FSTL5: variants seen among roughly 807,000 people sequenced by gnomAD.
The protein encoded by FSTL5 is follistatin-related protein 5.
Under a neutral mutation model 89.1 loss-of-function variants are expected in FSTL5, and 62 were observed. That is an observed-to-expected ratio of 0.70 (90% CI 0.57 to 0.86). FSTL5 has a LOEUF of 0.86. FSTL5 is among the 40% of genes least tolerant of loss of function. The pLI is 0.00. For missense variants in FSTL5, 1,057 were observed against 1,001.6 expected, an observed-to-expected ratio of 1.06 and a Z score of -0.75; for synonymous variants, 383 against 346.2, an observed-to-expected ratio of 1.11 and a Z score of -1.18.
chr4:162,124,843 G>T (rs1445416791), intron 1 of FSTL5, among the ~76,000 whole-genome samples: 3 of 152,122 alleles, frequency 2.0e-5, no homozygotes, highest in Non-Finnish European at 4.4e-5. Context: ...GGGACTACAG[G>T]CGCCCGCCAC....
At chr4:161,393,304 T>A (rs1306523887) in intron 15 of FSTL5, among the ~76,000 whole-genome samples, 2 of 151,980 alleles carry the variant, frequency 1.3e-5, no homozygotes, top group Non-Finnish European at 2.9e-5. Context: ...TGAGTTGGAT[T>A]CTAGATACCA....
intron 2 of FSTL5, among the ~76,000 whole-genome samples, chr4:162,040,272 GA>G (rs1737897909): frequency 6.6e-6 from 1 of 152,070 alleles, no homozygotes. Flanking sequence ...TGTTTTAAAA[GA>G]TATTGTTAGA....
At chr4:161,456,298 A>G (rs549122482) in intron 14 of FSTL5, among the ~76,000 whole-genome samples, 1 of 152,344 alleles carries the variant, frequency 6.6e-6, no homozygotes, top group South Asian at 2.1e-4. Context: ...TAAAAGTAAA[A>G]TAAATAAATT....
intron 6 of FSTL5, among the ~76,000 whole-genome samples, chr4:161,688,504 C>A (rs1737818112): frequency 6.6e-6 from 1 of 152,096 alleles, no homozygotes; most frequent in Non-Finnish European, 1.5e-5. Context: ...TGGGTCAGAG[C>A]CAGTCACAGA....
chr4:161,996,892 G>A (rs1461172428), intron 3 of FSTL5, among the ~76,000 whole-genome samples: 1 of 152,126 alleles, frequency 6.6e-6, no homozygotes, highest in African/African-American at 2.4e-5. Context: ...ATTCTCTCGG[G>A]ATAGATGTTA....
At chr4:161,866,501 T>TGTGTGTGC (rs1732096617) in intron 4 of FSTL5, among the ~76,000 whole-genome samples, 1 of 150,172 alleles carries the variant, frequency 6.7e-6, no homozygotes, top group African/African-American at 2.4e-5. Context: ...TGTGTGTGTG[T>TGTGTGTGC]GTGTGTGGTT....
At chr4:161,938,755 T>C (rs1734499516) in intron 3 of FSTL5, among the ~76,000 whole-genome samples, 1 of 152,032 alleles carries the variant, frequency 6.6e-6, no homozygotes, top group Non-Finnish European at 1.5e-5. Flanking sequence ...GTCAGAGCAC[T>C]TGGTTATAAG....
At position 161,820,227 on chromosome 4, in the gene FSTL5, G is replaced by A. The variant is rs373424274; in HGVS notation, c.410-44153C>T. ...CTCGAATGTATTATTGGAAGATAAA[G>A]ATTACAGGAAGTCATGTGTTCCATA... On this transcript the variant is annotated intron_variant, in intron 4 of 15. Coordinates refer to ENST00000306100, the MANE Select transcript of FSTL5 (RefSeq NM_020116.5). Among the ~76,000 whole-genome samples the A allele has an allele frequency of 5.9e-5, 9 of 152,078 alleles. No homozygotes were observed. In the East Asian group the frequency reaches 1.2e-3, roughly 20 times the overall value.
At chr4:161,869,758 T>A (rs1207637585) in intron 4 of FSTL5, among the ~76,000 whole-genome samples, 2 of 152,198 alleles carry the variant, frequency 1.3e-5, no homozygotes, top group African/African-American at 2.4e-5. Flanking sequence ...ACCATGAATA[T>A]CCCAGGCACT....
chr4:162,093,204 C>A (rs1364864346), intron 2 of FSTL5, among the ~76,000 whole-genome samples: 2 of 152,040 alleles, frequency 1.3e-5, no homozygotes, highest in Non-Finnish European at 2.9e-5. Context: ...ACAATAGATA[C>A]AAAGAAAAAC....
intron 3 of FSTL5, among the ~76,000 whole-genome samples, chr4:162,031,007 T>C (rs1737499545): frequency 6.6e-6 from 1 of 152,198 alleles, no homozygotes; most frequent in African/African-American, 2.4e-5. Context: ...TATTTTAACA[T>C]GTTTTATCTG....
At chr4:161,870,265 T>C (rs1732220477) in intron 4 of FSTL5, among the ~76,000 whole-genome samples, 1 of 152,186 alleles carries the variant, frequency 6.6e-6, no homozygotes, top group Non-Finnish European at 1.5e-5. Flanking sequence ...TGCTTTTGTG[T>C]CTGTCTTTTC....
chr4:162,100,512 T>C (rs1384977814), intron 2 of FSTL5, among the ~76,000 whole-genome samples: 1 of 152,018 alleles, frequency 6.6e-6, no homozygotes, highest in Non-Finnish European at 1.5e-5. Flanking sequence ...TGATGTTTGG[T>C]GAAAACGAAA....
At chr4:161,584,140 A>T (rs2126603218) in intron 8 of FSTL5, among the ~76,000 whole-genome samples, 1 of 152,240 alleles carries the variant, frequency 6.6e-6, no homozygotes, top group South Asian at 2.1e-4. Context: ...TTATTATTTC[A>T]ATTGCCCTCC....
chr4:161,651,527 G>T (rs759827268), intron 7 of FSTL5, among the ~76,000 whole-genome samples: 1 of 152,054 alleles, frequency 6.6e-6, no homozygotes, highest in Non-Finnish European at 1.5e-5. Flanking sequence ...AGGAAGAGAA[G>T]AAAGGGGAAG....
chr4:161,404,978 C>T (rs1731316157), intron 15 of FSTL5, among the ~76,000 whole-genome samples: 1 of 152,076 alleles, frequency 6.6e-6, no homozygotes, highest in Admixed American at 6.6e-5. Context: ...TGCCTGTAAT[C>T]CCAGAACTTT....
chr4:161,779,811 G>GT (rs1560841057), intron 4 of FSTL5, among the ~76,000 whole-genome samples: 1,131 of 40,396 alleles, frequency 0.028, 77 homozygotes, highest in African/African-American at 0.094. Context: ...ATATATATAT[G>GT]TATATATATA....
intron 4 of FSTL5, among the ~76,000 whole-genome samples, chr4:161,789,832 T>C (rs1354709778): frequency 6.6e-6 from 1 of 152,092 alleles, no homozygotes; most frequent in Non-Finnish European, 1.5e-5. Flanking sequence ...TTCACAGAGG[T>C]CAATCTGAAT....
At chr4:161,843,039 A>G (rs1230728640) in intron 4 of FSTL5, among the ~76,000 whole-genome samples, 1 of 152,194 alleles carries the variant, frequency 6.6e-6, no homozygotes, top group Admixed American at 6.6e-5. Context: ...GTTGCAATAT[A>G]AGACCTGTTC....
Sources: gnomAD v4.1 joint callset for allele counts (sites outside exome capture counted in the v4.1 genomes callset) on GRCh38, gnomAD v4.1.1 for gene constraint, MANE v1.5 for transcripts, NCBI Gene and HGNC (gene_info 2026-07-23, HGNC 2026-07-21) for gene names.